The following DENND2B variants were observed in gnomAD, a reference collection of about 807,000 sequenced individuals.
DENND2B encodes DENN domain-containing protein 2B.
A neutral mutation model predicts 116.0 loss-of-function variants in DENND2B; 32 were observed. The observed-to-expected ratio is 0.28, with a 90% CI of 0.21 to 0.37. DENND2B has a LOEUF of 0.37. Among genes scored for constraint, DENND2B ranks in the 10% least tolerant of loss-of-function variants. The pLI, the probability that DENND2B is intolerant of heterozygous loss-of-function variation, is 1.00. For synonymous variants in DENND2B, 588 were observed against 583.9 expected, an observed-to-expected ratio of 1.01 and a Z score of -0.10; for missense variants, 1,276 against 1,477.7, an observed-to-expected ratio of 0.86 and a Z score of 2.24.
chr11:8,780,669 T>C (rs934498380), intron 1 of DENND2B, among the ~76,000 whole-genome samples: 3 of 152,164 alleles, frequency 2.0e-5, no homozygotes, highest in African/African-American at 7.2e-5. Context: ...TCAGGGATCT[T>C]AGTTTTTCTC....
intron 1 of DENND2B, among the ~76,000 whole-genome samples, chr11:8,904,868 TA>T (rs1214306015): frequency 6.6e-6 from 1 of 152,140 alleles, no homozygotes; most frequent in Non-Finnish European, 1.5e-5. Context: ...ATATGTACAC[TA>T]ATCACTACAC....
chr11:8,715,570 C>T (rs953089661), intron 6 of DENND2B, 33 bp downstream of exon 6: 3 of 1,606,118 alleles, frequency 1.9e-6, no homozygotes, highest in Admixed American at 1.7e-5. Flanking sequence ...GCCCACCTGC[C>T]CGGCTCCAGT....
intron 1 of DENND2B, among the ~76,000 whole-genome samples, chr11:8,763,561 C>T (rs937507370): frequency 1.5e-4 from 22 of 151,112 alleles, no homozygotes; most frequent in African/African-American, 5.4e-4. Flanking sequence ...TGAGAATGAA[C>T]ATCTGCAGCT....
Position 8,707,737 on chromosome 11 carries a change from A to G in DENND2B, c.2430+40T>C. ...TGCAGATACTCCTGTGGGAGCTGTC[A>G]GCTGGGGGACGGGGAGGGAAGCCTG... On this transcript the variant is annotated intron_variant, in intron 12 of 19. Transcript: ENST00000313726. This position sits in a 1 kb window ranked among gnomAD's most constrained non-coding sequence, Gnocchi z 4.8. The G allele has an allele frequency of 6.4e-7, 1 of 1,574,212 alleles. No homozygotes were observed. The highest frequency in any genetic ancestry group is 8.6e-7 in the Non-Finnish European group (1 of 1,158,244).
At chr11:8,882,510 CT>C in intron 1 of DENND2B, among the ~76,000 whole-genome samples, 1 of 152,286 alleles carries the variant, frequency 6.6e-6, no homozygotes, top group Non-Finnish European at 1.5e-5. Flanking sequence ...TCTTTAACCT[CT>C]AGCAAATGGC....
intron 1 of DENND2B, chr11:8,784,039 C>T (rs1425840748): frequency 6.6e-6 from 1 of 152,174 alleles, no homozygotes; most frequent in African/African-American, 2.4e-5. Flanking sequence ...TGCCACAGGA[C>T]CAGCTCCTTT....
chr11:8,904,854 T>G (rs746065887), intron 1 of DENND2B, among the ~76,000 whole-genome samples: 16 of 152,106 alleles, frequency 1.1e-4, no homozygotes, highest in Admixed American at 9.8e-4. Context: ...TTAAAAGAAG[T>G]GCAATATGTA....
At chr11:8,695,421 T>A (rs2270955) in intron 19 of DENND2B, 42 bp downstream of exon 19, 154,735 of 1,576,828 alleles carry the variant, frequency 0.098, 9,119 homozygotes, top group African/African-American at 0.24. Flanking sequence ...AGCCCCTTCC[T>A]TCTTGCTGAA....
intron 1 of DENND2B, among the ~76,000 whole-genome samples, chr11:8,758,044 G>A (rs2053912891): frequency 1.3e-5 from 2 of 152,218 alleles, no homozygotes; most frequent in African/African-American, 2.4e-5. Context: ...TTGATGGGGT[G>A]CTTTAAAATG....
chr11:8,745,391 T>C (rs1052967441), intron 2 of DENND2B, among the ~76,000 whole-genome samples: 1 of 152,152 alleles, frequency 6.6e-6, no homozygotes, highest in Non-Finnish European at 1.5e-5. Flanking sequence ...GATTCCATTG[T>C]AATAGACTTC....
At chr11:8,816,125 G>C (rs2061559804) in intron 4 of DENND2B, among the ~76,000 whole-genome samples, 1 of 152,168 alleles carries the variant, frequency 6.6e-6, no homozygotes. Flanking sequence ...AATATTATTG[G>C]TTGGATCTTA....
intron 13 of DENND2B, among the ~76,000 whole-genome samples, chr11:8,703,849 G>A (rs906661796): frequency 6.6e-6 from 1 of 152,180 alleles, no homozygotes; most frequent in Non-Finnish European, 1.5e-5. Flanking sequence ...CTCCCAGAAG[G>A]CCCAGTGATC....
intron 1 of DENND2B, among the ~76,000 whole-genome samples, chr11:8,752,467 A>C (rs1379259304): frequency 6.6e-6 from 1 of 151,800 alleles, no homozygotes; most frequent in East Asian, 1.9e-4. Flanking sequence ...AAAAAGAGAG[A>C]AAAAAACTTA....
At chr11:8,890,407 T>G (rs2064016972) in intron 1 of DENND2B, among the ~76,000 whole-genome samples, 1 of 152,016 alleles carries the variant, frequency 6.6e-6, no homozygotes, top group Admixed American at 6.5e-5. Flanking sequence ...CTTTGACAAG[T>G]TGAGAGAAGA....
intron 2 of DENND2B, 94 bp downstream of exon 2, chr11:8,750,527 G>A (rs987338926): frequency 1.9e-6 from 2 of 1,052,598 alleles, no homozygotes; most frequent in Non-Finnish European, 2.9e-6. Flanking sequence ...CTGGATGACT[G>A]TCAGTCAAGA....
chr11:8,773,832 G>A (rs2057276459), intron 1 of DENND2B, among the ~76,000 whole-genome samples: 1 of 152,154 alleles, frequency 6.6e-6, no homozygotes, highest in South Asian at 2.1e-4. Flanking sequence ...GGGTCTATGG[G>A]AACTCTCTGT....
At chr11:8,734,791 CA>C (rs11339783) in intron 2 of DENND2B, among the ~76,000 whole-genome samples, 30,943 of 98,334 alleles carry the variant, frequency 0.31, 3,388 homozygotes, top group Middle Eastern at 0.37. Flanking sequence ...ACAAGAGTCT[CA>C]AAAAAAAAAA....
chr11:8,874,656 C>T (rs1042264789), upstream of DENND2B, among the ~76,000 whole-genome samples: 2 of 151,898 alleles, frequency 1.3e-5, no homozygotes, highest in African/African-American at 4.8e-5. Context: ...TTCAGTGGCT[C>T]ATTCCTATAA....
chr11:8,890,567 C>T (rs1266986209), intron 1 of DENND2B, among the ~76,000 whole-genome samples: 1 of 152,128 alleles, frequency 6.6e-6, no homozygotes, highest in Non-Finnish European at 1.5e-5. Flanking sequence ...GAGCTGAAAA[C>T]CATGGCATGA....
Sources: allele counts gnomAD v4.1 joint callset (sites outside exome capture counted in the v4.1 genomes callset), GRCh38; gene constraint gnomAD v4.1.1; non-coding constraint Gnocchi (gnomAD v3.1); transcripts MANE v1.5; gene names NCBI Gene and HGNC (gene_info 2026-07-23, HGNC 2026-07-21).